Variants in CARMIL3 observed in about 807,000 individuals in gnomAD.
The protein encoded by CARMIL3 is capping protein regulator and myosin 1 linker 3.
In CARMIL3, 88 loss-of-function variants were observed where a neutral mutation model predicts 180.8. The ratio of observed to expected loss-of-function variants is 0.49; its 90% confidence interval spans 0.41 to 0.58. The LOEUF (loss-of-function observed/expected upper bound fraction) is 0.58. CARMIL3 is among the 20% of genes least tolerant of loss of function. The pLI is 0.00. For missense variants in CARMIL3, 1,548 were observed against 1,787.0 expected, an observed-to-expected ratio of 0.87 and a Z score of 2.41; for synonymous variants, 696 against 714.5, an observed-to-expected ratio of 0.97 and a Z score of 0.41.
chr14:24,052,261 C>T lies in CARMIL3; in HGVS notation c.40+68C>T, dbSNP rs978271258. ...ATCCCAGACCCAGCGCGTTCCTCCC[C>T]GTGGTGCATCCCAGCCCGGTGTCTC... On this transcript the variant is annotated intron_variant, in intron 1 of 39. Coordinates refer to ENST00000342740, the MANE Select transcript of CARMIL3 (RefSeq NM_138360.4). The T allele has an allele frequency of 8.1e-6, 12 of 1,479,190 alleles. 1 individual carries two copies. The East Asian group carries it at 1.4e-4, about 17-fold the overall frequency. The allele number at this position is 1,479,190 out of a possible 1,614,324, so 91.6% of individuals were successfully genotyped here.
intron 1 of CARMIL3, among the ~76,000 whole-genome samples, chr14:24,053,092 T>C (rs777582676): frequency 2.8e-4 from 43 of 151,866 alleles, no homozygotes; most frequent in Admixed American, 2.0e-3. Flanking sequence ...TATATCTGGG[T>C]GGTTCTGCCA....
rs2035701274 is a variant in CARMIL3 at position 24,058,865 on chromosome 14, C to G, written c.1475-25C>G. ...ACCAGTCAGCCTCAGGCCTCCAGGC[C>G]AGGCCTCTCCCATCTGCTCACCAGG... On this transcript the variant is annotated intron_variant, in intron 18 of 39. Coordinates refer to ENST00000342740, the MANE Select transcript of CARMIL3 (RefSeq NM_138360.4). This position sits in a 1 kb window ranked among gnomAD's most constrained non-coding sequence, Gnocchi z 6.4. The G allele has an allele frequency of 6.2e-7, 1 of 1,613,656 alleles. No individual in the cohort carries two copies. The highest frequency in any genetic ancestry group is 2.2e-5 in the East Asian group (1 of 44,876).
At chr14:24,056,524 C>G (rs1046024414) in intron 11 of CARMIL3, 98 bp from the exon 12 acceptor site, 3 of 1,472,510 alleles carry the variant, frequency 2.0e-6, no homozygotes, top group Non-Finnish European at 2.8e-6. Context: ...ATCCTTGACC[C>G]AAGGCCTGTA....
intron 36 of CARMIL3, among the ~76,000 whole-genome samples, chr14:24,068,098 T>G (rs1167591387): frequency 6.6e-6 from 1 of 152,198 alleles, no homozygotes; most frequent in East Asian, 1.9e-4. Context: ...GGAGCGTGGA[T>G]GTAGAAAGGC....
At position 24,065,285 on chromosome 14, in the gene CARMIL3, A is replaced by AG. The variant is rs1401870061; in HGVS notation, c.3396+17dup. On this transcript the variant is annotated intron_variant, in intron 33 of 39. Transcript: ENST00000342740. ...TCCGCCGGAAGATGGTAAGTGAGGCAGGGGGTGCTGTGTCTTCCCCTTTTC... is the reference window on the plus strand; with the variant it reads ...TCCGCCGGAAGATGGTAAGTGAGGCAGGGGGGTGCTGTGTCTTCCCCTTTTC... 1.3e-6 allele frequency: 2 copies of AG among 1,517,462 alleles called. No homozygotes were observed. The highest frequency in any genetic ancestry group is 1.8e-6 in the Non-Finnish European group (2 of 1,140,808). The allele number at this position is 1,517,462 out of a possible 1,614,324, so 94.0% of individuals were successfully genotyped here. A position where few individuals can be genotyped will look rare whatever the true frequency, so the allele number is the denominator to read the frequency against.
chr14:24,056,527 G>A, intron 11 of CARMIL3, 95 bp from the exon 12 acceptor site: 1 of 1,479,788 alleles, frequency 6.8e-7, no homozygotes, highest in Non-Finnish European at 9.4e-7. Flanking sequence ...CTTGACCCAA[G>A]GCCTGTACCC....
In CARMIL3 at chr14:24,056,960, C is replaced by G. The variant is rs1174454780; in HGVS notation, c.998C>G (p.Ala333Gly). 1 of 1,614,056 alleles carries G rather than the reference C, an allele frequency of 6.2e-7. No homozygotes were observed. The highest frequency in any genetic ancestry group is 1.7e-5 in the Admixed American group (1 of 60,010). ...GQTFGANPAF[A>G]SSLRYLDLSK... ...ACCTTCGGGGCAAACCCAGCATTTG[C>G]CAGCTCCCTTCGATACCTGGACCTG... The change falls in exon 13 of 40, where the codon GCC (alanine) becomes GGC (glycine). Residue 333 changes from alanine to glycine, a missense_variant. By Grantham distance (60) the Ala-to-Gly change is moderately conservative. Transcript: ENST00000342740.
In CARMIL3 at chr14:24,060,184, C is replaced by T; in HGVS notation, c.1990C>T (p.His664Tyr). The T allele has an allele frequency of 1.2e-6, 2 of 1,614,184 alleles. No homozygotes were observed. The highest frequency in any genetic ancestry group is 1.7e-6 in the Non-Finnish European group (2 of 1,180,038). The change falls in exon 24 of 40, where the codon CAC becomes TAC. Residue 664 changes from histidine (H) to tyrosine (Y), a missense_variant. Transcript: ENST00000342740. ...KIQWCLVRNN[H>Y]SQTCPQEQAF... The stretch of plus-strand genomic sequence containing the variant: ...CCAATGGTGCTTAGTGAGGAACAAC[C>T]ACTCCCAGACGTGCCCCCAGGAGCA...
In CARMIL3 at chr14:24,069,316, C is replaced by T. The variant is rs1478979792; in HGVS notation, c.4094-63C>T. The T allele has an allele frequency of 1.3e-5, 21 of 1,613,786 alleles. No individual in the cohort carries two copies. The East Asian group carries it at 4.2e-4, about 33-fold the overall frequency. The stretch of plus-strand genomic sequence containing the variant: ...TCCAACATGACACCCCCCGAAGCCC[C>T]AACACCAGGTGGCTGGCTGTCCCTG... On this transcript the variant is annotated intron_variant, in intron 39 of 39. Coordinates refer to ENST00000342740, the MANE Select transcript of CARMIL3 (RefSeq NM_138360.4).
intron 1 of CARMIL3, 143 bp downstream of exon 1, chr14:24,052,336 G>C: frequency 1.2e-6 from 1 of 801,022 alleles, no homozygotes; most frequent in East Asian, 3.4e-5. Context: ...CTGCATTCCA[G>C]TCCGGGCATC....
chr14:24,062,116 G>C, intron 27 of CARMIL3: 2 of 372,484 alleles, frequency 5.4e-6, no homozygotes, highest in Non-Finnish European at 9.9e-6. Flanking sequence ...TAGGCCCAAG[G>C]AAGGGTCTTT....
At chr14:24,065,472 C>A in intron 33 of CARMIL3, 150 bp from the exon 34 acceptor site, 1 of 1,207,204 alleles carries the variant, frequency 8.3e-7, no homozygotes, top group Non-Finnish European at 1.2e-6. Context: ...TATGCGAATG[C>A]AGGCGTTGGA....
chr14:24,056,404 G>A lies in CARMIL3; in HGVS notation c.865+11G>A. The A allele has an allele frequency of 6.2e-7, 1 of 1,610,420 alleles. No homozygotes were observed. The highest frequency in any genetic ancestry group is 8.5e-7 in the Non-Finnish European group (1 of 1,177,550). On this transcript the variant is annotated intron_variant, in intron 11 of 39. Coordinates refer to ENST00000342740, the MANE Select transcript of CARMIL3 (RefSeq NM_138360.4). ...CCATCGAGGACAAGGGTGAGCCCCA[G>A]CCCTGAATCCTGTCCCCATCCCAAT...
In CARMIL3 at chr14:24,061,435, C is replaced by T. The variant is rs1322966130; in HGVS notation, c.2305-62C>T. ...GCTGGAATAGATAAAGTCTCTTCTG[C>T]TGTGGTGCCAGCCCTGATCCTGTCC... On this transcript the variant is annotated intron_variant, in intron 26 of 39. Coordinates refer to ENST00000342740, the MANE Select transcript of CARMIL3 (RefSeq NM_138360.4). The surrounding 1 kb of genome is among the most constrained non-coding windows in gnomAD (Gnocchi z 4.1). 7.2e-6 allele frequency: 11 copies of T among 1,523,842 alleles called. No individual in the cohort carries two copies. The African/African-American group carries it at 9.6e-5, about 13-fold the overall frequency. 94.4% of individuals were successfully genotyped at this position (1,523,842 alleles called of 1,614,324 possible). A position where few individuals can be genotyped will look rare whatever the true frequency, so the allele number is the denominator to read the frequency against.
rs1566539995 is a variant in CARMIL3 at position 24,058,355 on chromosome 14, C to T, written c.1392+131C>T. ...ACCCCCTGACCTGGCCACACCACCA[C>T]TTTCCCCTCTCAGTCTGGCCTCTTT... is the stretch of plus-strand genomic sequence containing the variant. On this transcript the variant is annotated intron_variant, in intron 17 of 39. Coordinates refer to ENST00000342740, the MANE Select transcript of CARMIL3 (RefSeq NM_138360.4). The surrounding 1 kb of genome is among the most constrained non-coding windows in gnomAD (Gnocchi z 6.4). 1.7e-5 allele frequency: 16 copies of T among 919,272 alleles called. No individual in the cohort carries two copies. The highest frequency in any genetic ancestry group is 8.1e-5 in the South Asian group (5 of 61,758). 56.9% of individuals were successfully genotyped at this position (919,272 alleles called of 1,614,324 possible).
At position 24,055,638 on chromosome 14, in the gene CARMIL3, G is replaced by C. The variant is rs1356542482; in HGVS notation, c.681+20G>C. 1 of 1,614,108 alleles carries C rather than the reference G, an allele frequency of 6.2e-7. No homozygotes were observed. On this transcript the variant is annotated intron_variant, in intron 9 of 39. Coordinates refer to ENST00000342740, the MANE Select transcript of CARMIL3 (RefSeq NM_138360.4). Reference sequence around the variant, plus strand: ...CGGCTGGTAGGAACTGGGAGGGGCTGGTGAGGTGGGAGAAGTAGTGCCCCC... The same window carrying C: ...CGGCTGGTAGGAACTGGGAGGGGCTCGTGAGGTGGGAGAAGTAGTGCCCCC...
Position 24,054,324 on chromosome 14 carries a change from C to T in CARMIL3, c.246+23C>T, listed in dbSNP as rs778293727. ...CAGGTGAGTACCAGGGCTTTGGGCC[C>T]CACTACTGGGCCAGCTGGAGGAGGG... On this transcript the variant is annotated intron_variant, in intron 4 of 39. Transcript: ENST00000342740. This position sits in a 1 kb window ranked among gnomAD's most constrained non-coding sequence, Gnocchi z 5.1. The T allele has an allele frequency of 1.2e-6, 2 of 1,614,122 alleles. No homozygotes were observed. Among genetic ancestry groups the T allele is most frequent in the Non-Finnish European group, 8.5e-7 (1 of 1,180,016 alleles).
In CARMIL3 at chr14:24,056,929, G is replaced by A. The variant is rs200504002; in HGVS notation, c.967G>A (p.Gly323Ser). 5.7e-5 allele frequency: 92 copies of A among 1,613,964 alleles called. 1 individual carries two copies. The East Asian group carries it at 1.6e-3, about 29-fold the overall frequency. Residue 323 changes from glycine to serine, a missense_variant, in exon 13 of 40, where the codon GGC (glycine) becomes AGC (serine). Gly to Ser is a moderately conservative substitution (Grantham distance 56, BLOSUM62 0). Transcript: ENST00000342740. ...GCTGTGCTCAGGGCTCCAGGCACTC[G>A]GCCAGACCTTCGGGGCAAACCCAGC... ...AISPRGLQAL[G>S]QTFGANPAFA... is the part of the protein sequence containing the mutation.
chr14:24,064,643 G>T (rs971013870), intron 32 of CARMIL3, among the ~76,000 whole-genome samples: 25 of 129,862 alleles, frequency 1.9e-4, no homozygotes, highest in African/African-American at 4.9e-4. Context: ...CCCATTAGTG[G>T]TGAGAGGCCC....
Sources: gnomAD v4.1 joint callset for allele counts (sites outside exome capture counted in the v4.1 genomes callset) on GRCh38, gnomAD v4.1.1 for gene constraint, Gnocchi (gnomAD v3.1) non-coding constraint, MANE v1.5 for transcripts, NCBI Gene and HGNC (gene_info 2026-07-23, HGNC 2026-07-21) for gene names.